Variants in SP110 observed in about 807,000 individuals in gnomAD.
SP110 encodes interferon-induced protein 41, 30kD.
SP110 carries 62 observed loss-of-function variants against 92.7 expected under a neutral mutation model. That is an observed-to-expected ratio of 0.67 (90% confidence interval 0.55 to 0.83). The LOEUF (loss-of-function observed/expected upper bound fraction) is 0.83. Among genes scored for constraint, SP110 ranks in the 40% least tolerant of loss-of-function variants. The probability of loss-of-function intolerance (pLI) is 0.00; values close to 1 mark genes in which losing one functional copy is unlikely to be tolerated. For synonymous variants in SP110, 273 were observed against 305.3 expected (o/e 0.89, Z 1.10); for missense variants, 793 against 863.9 (o/e 0.92, Z 1.03).
chr2:230,194,419 G>A (rs1392779087), intron 10 of SP110, among the ~76,000 whole-genome samples: 4 of 151,620 alleles, frequency 2.6e-5, no homozygotes. Flanking sequence ...GGACAACATA[G>A]CAAGACCTGG....
At chr2:230,191,218 A>G (rs1255363001) in intron 10 of SP110, among the ~76,000 whole-genome samples, 2 of 152,214 alleles carry the variant, frequency 1.3e-5, no homozygotes, top group African/African-American at 4.8e-5. Flanking sequence ...CCCTAACATC[A>G]CAATTAAAAG....
At position 230,202,674 on chromosome 2, in the gene SP110, A is replaced by G. The variant is rs748380337; in HGVS notation, c.953T>C (p.Val318Ala). The change falls in exon 9 of 19, where the codon GTT becomes GCT. Residue 318 changes from valine (V) to alanine (A), a missense_variant. Val to Ala is a moderately conservative substitution (Grantham distance 64). Transcript: ENST00000258381. ...IQKKLKRVDQVPQKKDDSTCN... is the reference protein window; with the variant it reads ...IQKKLKRVDQAPQKKDDSTCN... ...AGTTGAGTCATCTTTCTTTTGAGGAACCTGATCCACCCTTTTGAGCTTCTT... is the reference window on the plus strand; with the variant it reads ...AGTTGAGTCATCTTTCTTTTGAGGAGCCTGATCCACCCTTTTGAGCTTCTT... 3.7e-6 allele frequency: 6 copies of G among 1,613,936 alleles called. No homozygotes were observed. The highest frequency in any genetic ancestry group is 1.7e-5 in the Admixed American group (1 of 59,974).
At chr2:230,217,624 T>C (rs1285509169) in intron 1 of SP110, among the ~76,000 whole-genome samples, 1 of 152,208 alleles carries the variant, frequency 6.6e-6, no homozygotes, top group African/African-American at 2.4e-5. Flanking sequence ...TGCACCTGTT[T>C]ATACTGTTGA....
intron 12 of SP110, among the ~76,000 whole-genome samples, chr2:230,179,330 A>AG: frequency 6.6e-6 from 1 of 151,622 alleles, no homozygotes; most frequent in South Asian, 2.1e-4. Flanking sequence ...ATGGGGGTGG[A>AG]GGGTAGTGGG....
intron 12 of SP110, among the ~76,000 whole-genome samples, chr2:230,182,380 T>C (rs752210291): frequency 1.3e-5 from 2 of 152,134 alleles, no homozygotes; most frequent in Non-Finnish European, 2.9e-5. Flanking sequence ...GATGGGTTGA[T>C]AGGTGCAGCA....
chr2:230,166,017 T>C lies in SP110; in HGVS notation c.*3107A>G, dbSNP rs1137605. Among the ~76,000 whole-genome samples the C allele has an allele frequency of 0.66, 100,206 of 151,252 alleles. 33,609 individuals are homozygous for C. The highest frequency in any genetic ancestry group is 0.72 in the Middle Eastern group (213 of 294). On this transcript the variant is annotated 3_prime_UTR_variant, in exon 19 of 19. Coordinates refer to ENST00000258381, the MANE Select transcript of SP110 (RefSeq NM_080424.4). Reference sequence around the variant, plus strand: ...CAAGCGATTCTCCTGCCTCAGCCTCTTGAGTAGCTGGGACTACAGGCGCCC... The same window carrying C: ...CAAGCGATTCTCCTGCCTCAGCCTCCTGAGTAGCTGGGACTACAGGCGCCC...
At chr2:230,189,566 T>C (rs1397289985) in intron 10 of SP110, among the ~76,000 whole-genome samples, 2 of 152,142 alleles carry the variant, frequency 1.3e-5, no homozygotes, top group Non-Finnish European at 2.9e-5. Context: ...ATAATTTCAA[T>C]TTTTTTCTTC....
chr2:230,185,199 GA>G lies in SP110; in HGVS notation c.1279+794del, dbSNP rs528539657. Among the ~76,000 whole-genome samples the G allele has an allele frequency of 8.6e-3, 1,309 of 152,344 alleles. 10 individuals carry two copies. The highest frequency in any genetic ancestry group is 0.012 in the Non-Finnish European group (795 of 68,030). The stretch of plus-strand genomic sequence containing the variant: ...GAACATCCCTGGTCTTGGGCAGAGA[GA>G]AAGAAGACAAAGGGGCTCTTAAAGC... On this transcript the variant is annotated intron_variant, in intron 11 of 18. Transcript: ENST00000258381.
upstream of SP110, chr2:230,221,725 C>G (rs76543029): frequency 3.1e-4 from 471 of 1,536,064 alleles, 2 homozygotes; most frequent in East Asian, 0.011. Flanking sequence ...TCCCCATCAC[C>G]TGGAAAGCCC....
At chr2:230,173,453 A>G (rs13025209) in intron 14 of SP110, 19,156 of 187,466 alleles carry the variant, frequency 0.1, 1,117 homozygotes, top group Middle Eastern at 0.12. Flanking sequence ...CATGGATGCT[A>G]TGACCCAGTA....
chr2:230,188,459 C>T (rs1201420328), intron 10 of SP110, among the ~76,000 whole-genome samples: 2 of 151,946 alleles, frequency 1.3e-5, no homozygotes, highest in African/African-American at 4.8e-5. Context: ...ATTTCTTTTC[C>T]AATTTGGATG....
At chr2:230,174,515 A>G (rs2041761008) in intron 14 of SP110, among the ~76,000 whole-genome samples, 1 of 152,118 alleles carries the variant, frequency 6.6e-6, no homozygotes, top group Non-Finnish European at 1.5e-5. Context: ...GCATCTCTGG[A>G]CCACCCATGA....
rs139916913 is a variant in SP110, at chr2:230,191,480, T to C, written c.1130-5337A>G. Among the ~76,000 whole-genome samples, 107 of 152,192 alleles carry C rather than the reference T, an allele frequency of 7.0e-4. 1 individual carries two copies. In the East Asian group the frequency reaches 7.9e-3, roughly 11 times the overall value. On this transcript the variant is annotated intron_variant, in intron 10 of 18. Coordinates refer to ENST00000258381, the MANE Select transcript of SP110 (RefSeq NM_080424.4). ...TCACTGATCCCACAGAAATACAAAC[T>C]ACCATCAGAGAATACTATAAACACC... is the stretch of plus-strand genomic sequence containing the variant.
intron 10 of SP110, among the ~76,000 whole-genome samples, chr2:230,195,850 A>G (rs7574179): frequency 0.22 from 33,956 of 152,014 alleles, 4,631 homozygotes; most frequent in East Asian, 0.57. Context: ...GCAAAAACAA[A>G]ATTTAAATAT....
chr2:230,207,095 TG>T, intron 8 of SP110, among the ~76,000 whole-genome samples: 1 of 152,190 alleles, frequency 6.6e-6, no homozygotes, highest in Non-Finnish European at 1.5e-5. Flanking sequence ...AAGGTTAGGA[TG>T]GAGAGCTTTG....
rs1273727511 is a variant in SP110 at position 230,165,255 on chromosome 2, C to A, written c.*3869G>T. Among the ~76,000 whole-genome samples, 2 of 152,170 alleles carry A rather than the reference C, an allele frequency of 1.3e-5. No homozygotes were observed. Among genetic ancestry groups the A allele is most frequent in the Non-Finnish European group, 2.9e-5 (2 of 68,032 alleles). Reference sequence around the variant, plus strand: ...ATTTATGAAAACAATAGAACACATTCTAAGATATGGTGAATCAGAAAACAT... The same window carrying A: ...ATTTATGAAAACAATAGAACACATTATAAGATATGGTGAATCAGAAAACAT... On this transcript the variant is annotated 3_prime_UTR_variant, in exon 19 of 19. Transcript: ENST00000258381.
chr2:230,201,732 G>A (rs929547272), intron 9 of SP110, among the ~76,000 whole-genome samples: 1 of 152,140 alleles, frequency 6.6e-6, no homozygotes. Flanking sequence ...CCAAACAGCT[G>A]TACTATTATA....
rs935997508 is a variant in SP110, at chr2:230,168,037, A to T, written c.*1087T>A. ...GGCAGGAGAATCGCTTGCACCCAGG[A>T]GGAGGAGGTTGCAGTGAGTCAAGAT... On this transcript the variant is annotated 3_prime_UTR_variant, in exon 19 of 19. Coordinates refer to ENST00000258381, the MANE Select transcript of SP110 (RefSeq NM_080424.4). 2 of 140,066 alleles carry T rather than the reference A, an allele frequency of 1.4e-5. No individual in the cohort carries two copies. Among genetic ancestry groups the T allele is most frequent in the Admixed American group, 7.8e-5 (1 of 12,808 alleles). The allele number at this position is 140,066 out of a possible 1,614,324, so 8.7% of individuals were successfully genotyped here. A position where few individuals can be genotyped will look rare whatever the true frequency, so the allele number is the denominator to read the frequency against.
At chr2:230,192,171 C>A (rs1375456137) in intron 10 of SP110, among the ~76,000 whole-genome samples, 1 of 152,106 alleles carries the variant, frequency 6.6e-6, no homozygotes, top group Non-Finnish European at 1.5e-5. Flanking sequence ...AACCCACAGC[C>A]AATATCATAT....
Sources: allele counts gnomAD v4.1 joint callset (sites outside exome capture counted in the v4.1 genomes callset), GRCh38; gene constraint gnomAD v4.1.1; transcripts MANE v1.5; gene names NCBI Gene and HGNC (gene_info 2026-07-23, HGNC 2026-07-21).